The following PADI4 variants were observed in gnomAD, a reference collection of about 807,000 sequenced individuals.
The protein encoded by PADI4 is protein-arginine deiminase type-4.
PADI4 carries 62 observed loss-of-function variants against 75.0 expected under a neutral mutation model. That is an observed-to-expected ratio of 0.83 (90% confidence interval 0.67 to 1.02). The LOEUF (loss-of-function observed/expected upper bound fraction) is 1.02, where lower values mean the gene tolerates loss of function less well. Ranked by LOEUF, PADI4 falls within the 50% of genes least tolerant of loss-of-function variation. The pLI is 0.00. For synonymous variants in PADI4, 361 were observed against 348.1 expected, an observed-to-expected ratio of 1.04 and a Z score of -0.41; for missense variants, 845 against 850.5, an observed-to-expected ratio of 0.99 and a Z score of 0.08.
chr1:17,363,860 C>A lies in PADI4; in HGVS notation c.*105C>A. The A allele has an allele frequency of 1.4e-6, 1 of 707,234 alleles. No individual in the cohort carries two copies. The highest frequency in any genetic ancestry group is 2.4e-6 in the Non-Finnish European group (1 of 411,214). The allele number at this position is 707,234 out of a possible 1,614,324, so 43.8% of individuals were successfully genotyped here. On this transcript the variant is annotated 3_prime_UTR_variant, in exon 16 of 16. Transcript: ENST00000375448. ...GAATATTGTGGCTCCCTGGGGGCGGCCAGCCCTCCCAGCAGTGGCTTGCTT... is the reference window on the plus strand; with the variant it reads ...GAATATTGTGGCTCCCTGGGGGCGGACAGCCCTCCCAGCAGTGGCTTGCTT...
intron 1 of PADI4, among the ~76,000 whole-genome samples, chr1:17,321,959 T>C (rs2074037634): frequency 6.6e-6 from 1 of 152,196 alleles, no homozygotes; most frequent in African/African-American, 2.4e-5. Context: ...TTTTGAGTCT[T>C]TGATCAGCCT....
At chr1:17,360,624 G>A (rs1173334101) in intron 15 of PADI4, among the ~76,000 whole-genome samples, 1 of 152,144 alleles carries the variant, frequency 6.6e-6, no homozygotes, top group Admixed American at 6.5e-5. Flanking sequence ...CCAGGGCTCT[G>A]GCTTCAAACC....
Position 17,337,592 on chromosome 1 carries a change from G to A in PADI4, c.409-446G>A, listed in dbSNP as rs371743620. 7.2e-5 allele frequency among the ~76,000 whole-genome samples: 11 copies of A among 152,214 alleles called. No individual in the cohort carries two copies. The East Asian group carries it at 1.5e-3, about 21-fold the overall frequency. ...CTGAGATCAAATAATTAATTGATGT[G>A]GAAGCAAGATGTGTAAACTGCACTG... On this transcript the variant is annotated intron_variant, in intron 4 of 15. Transcript: ENST00000375448.
chr1:17,340,788 A>G (rs1311843270), intron 6 of PADI4, among the ~76,000 whole-genome samples: 2 of 144,708 alleles, frequency 1.4e-5, no homozygotes, highest in African/African-American at 2.6e-5. Context: ...GTCTATTCCA[A>G]GCTTTTTTTT....
At position 17,354,538 on chromosome 1, in the gene PADI4, A is replaced by G. The variant is rs748229559; in HGVS notation, c.1161A>G (p.Pro387=). The part of the protein sequence containing the change: ...KEFPIKRVMG[P]DFGYVTRGPQ... ...ACTCCCTTCTCCTATCTCAGGGTCC[A>G]GATTTTGGCTATGTAACTCGAGGGC... is the stretch of plus-strand genomic sequence containing the variant. Residue 387 remains proline (P), a synonymous_variant, in exon 11 of 16, where the codon CCA becomes CCG. Coordinates refer to ENST00000375448, the MANE Select transcript of PADI4 (RefSeq NM_012387.3). 6.2e-7 allele frequency: 1 copy of G among 1,614,140 alleles called. No homozygotes were observed. The highest frequency in any genetic ancestry group is 1.1e-5 in the South Asian group (1 of 91,084).
chr1:17,332,134 G>A (rs1172042148), intron 2 of PADI4, among the ~76,000 whole-genome samples: 3 of 152,062 alleles, frequency 2.0e-5, no homozygotes, highest in Non-Finnish European at 4.4e-5. Flanking sequence ...TTCCATGGTC[G>A]CACTGCCTCT....
At chr1:17,320,920 A>C (rs1229484620) in intron 1 of PADI4, among the ~76,000 whole-genome samples, 2 of 152,136 alleles carry the variant, frequency 1.3e-5, no homozygotes, top group Admixed American at 1.3e-4. Context: ...TTGTGGTTAC[A>C]TTGGGCCCAT....
intron 1 of PADI4, among the ~76,000 whole-genome samples, chr1:17,330,196 G>A (rs1432313211): frequency 6.6e-6 from 1 of 152,176 alleles, no homozygotes; most frequent in East Asian, 1.9e-4. Flanking sequence ...TAGTTCAAAT[G>A]CAAACCCTTC....
At chr1:17,357,191 G>A (rs929472780) in intron 13 of PADI4, among the ~76,000 whole-genome samples, 32 of 152,108 alleles carry the variant, frequency 2.1e-4, no homozygotes, top group African/African-American at 6.0e-4. Context: ...CTTTTGAAAC[G>A]AAGTTTTCCT....
intron 9 of PADI4, among the ~76,000 whole-genome samples, chr1:17,347,659 G>A (rs553087441): frequency 1.3e-4 from 20 of 152,180 alleles, no homozygotes; most frequent in African/African-American, 3.9e-4. Flanking sequence ...CTTGAGGAGG[G>A]GTCTCAGTTT....
At position 17,363,681 on chromosome 1, in the gene PADI4, C is replaced by T; in HGVS notation, c.1918C>T (p.His640Tyr). 1 of 1,614,120 alleles carries T rather than the reference C, an allele frequency of 6.2e-7. No homozygotes were observed. The change falls in exon 16 of 16, where the codon CAT becomes TAT. Residue 640 changes from histidine to tyrosine, a missense_variant. Coordinates refer to ENST00000375448, the MANE Select transcript of PADI4 (RefSeq NM_012387.3). ...CGACTTCTTCACCTACCACATCAGG[C>T]ATGGGGAGGTGCACTGCGGCACCAA... ...INDFFTYHIR[H>Y]GEVHCGTNVR... is the part of the protein sequence containing the mutation.
In PADI4 at chr1:17,341,956, C is replaced by T. The variant is rs1264739305; in HGVS notation, c.666C>T (p.Ser222=). The T allele has an allele frequency of 6.2e-7, 1 of 1,613,574 alleles. No homozygotes were observed. The highest frequency in any genetic ancestry group is 8.5e-7 in the Non-Finnish European group (1 of 1,179,728). Residue 222 remains serine, a synonymous_variant, in exon 7 of 16, where the codon TCC becomes TCT. Coordinates refer to ENST00000375448, the MANE Select transcript of PADI4 (RefSeq NM_012387.3). ...RVFQATRGKL[S]SKCSVVLGPK... ...CCTCTCTCCTAGGGGGCAAACTGTC[C>T]TCCAAGTGCAGCGTAGTCTTGGGTC...
At position 17,354,590 on chromosome 1, in the gene PADI4, G is replaced by T; in HGVS notation, c.1213G>T (p.Asp405Tyr). ...CCAAACAGGGGGTATCAGTGGACTGGACTCCTTTGGGAACCTGGAAGTGAG... is the reference window on the plus strand; with the variant it reads ...CCAAACAGGGGGTATCAGTGGACTGTACTCCTTTGGGAACCTGGAAGTGAG... ...GPQTGGISGLDSFGNLEVSPP... is the reference protein window; with the variant it reads ...GPQTGGISGLYSFGNLEVSPP... Residue 405 changes from aspartate to tyrosine, a missense_variant, in exon 11 of 16, where the codon GAC becomes TAC. By Grantham distance (160) the Asp-to-Tyr change is radical (BLOSUM62 -3). Transcript: ENST00000375448. 2 of 1,614,152 alleles carry T rather than the reference G, an allele frequency of 1.2e-6. No homozygotes were observed. The highest frequency in any genetic ancestry group is 1.7e-6 in the Non-Finnish European group (2 of 1,179,996).
At position 17,342,052 on chromosome 1, in the gene PADI4, C is replaced by A. The variant is rs138788718; in HGVS notation, c.762C>A (p.Leu254=). Residue 254 remains leucine, a synonymous_variant, in exon 7 of 16, where the codon CTC becomes CTA. Transcript: ENST00000375448. ...ACATGGACTTCTACGTGGAGGCCCT[C>A]GCTTTCCCGGACACCGACTTCCCGG... is the stretch of plus-strand genomic sequence containing the variant. ...KHNMDFYVEA[L]AFPDTDFPGL... 8 of 1,613,946 alleles carry A rather than the reference C, an allele frequency of 5.0e-6. No homozygotes were observed. The highest frequency in any genetic ancestry group is 6.8e-6 in the Non-Finnish European group (8 of 1,179,948).
In PADI4 at chr1:17,334,595, G is replaced by A. The variant is rs751059509; in HGVS notation, c.340+586G>A. ...TCGGATTACTGGCATGAACCACTGC[G>A]CCAGGCCCTCTATTCCTTTTTGATA... On this transcript the variant is annotated intron_variant, in intron 3 of 15. Transcript: ENST00000375448. 3.9e-5 allele frequency: 18 copies of A among 456,020 alleles called. 1 individual carries two copies. The highest frequency in any genetic ancestry group is 1.6e-4 in the African/African-American group (8 of 50,016). 28.2% of individuals were successfully genotyped at this position (456,020 alleles called of 1,614,324 possible).
intron 4 of PADI4, among the ~76,000 whole-genome samples, chr1:17,337,640 G>A (rs2074338166): frequency 6.6e-6 from 1 of 152,072 alleles, no homozygotes; most frequent in African/African-American, 2.4e-5. Flanking sequence ...GATGGGGGCC[G>A]GGCGTGGTGG....
intron 1 of PADI4, among the ~76,000 whole-genome samples, chr1:17,313,547 G>GGAAA (rs1403671777): frequency 7.0e-6 from 1 of 142,368 alleles, no homozygotes; most frequent in African/African-American, 2.6e-5. Context: ...AAGGAAAGAA[G>GGAAA]GAAAGAAAGA....
At chr1:17,319,828 C>T (rs985050367) in intron 1 of PADI4, among the ~76,000 whole-genome samples, 2 of 152,182 alleles carry the variant, frequency 1.3e-5, no homozygotes, top group African/African-American at 4.8e-5. Flanking sequence ...CAGTTGGCTG[C>T]CTGAGATCAG....
chr1:17,347,433 TCC>T (rs1288772607), intron 9 of PADI4, among the ~76,000 whole-genome samples: 1 of 152,140 alleles, frequency 6.6e-6, no homozygotes, highest in Non-Finnish European at 1.5e-5. Context: ...TTCTGAAACC[TCC>T]CCGTGCTCCT....
Sources: allele counts gnomAD v4.1 joint callset (sites outside exome capture counted in the v4.1 genomes callset), GRCh38; gene constraint gnomAD v4.1.1; transcripts MANE v1.5; gene names NCBI Gene and HGNC (gene_info 2026-07-23, HGNC 2026-07-21).